CPE: variants seen among roughly 807,000 people sequenced by gnomAD.
The protein encoded by CPE is carbocypeptidase E.
Under a neutral mutation model 53.5 loss-of-function variants are expected in CPE, and 17 were observed. That is an observed-to-expected ratio of 0.32 (90% CI 0.22 to 0.48). The LOEUF (loss-of-function observed/expected upper bound fraction) is 0.48. Ranked by LOEUF, CPE falls within the 20% of genes least tolerant of loss-of-function variation. The probability of loss-of-function intolerance (pLI) is 0.99; values close to 1 mark genes in which losing one functional copy is unlikely to be tolerated. For missense variants in CPE, 524 were observed against 614.7 expected, an observed-to-expected ratio of 0.85 and a Z score of 1.56; for synonymous variants, 226 against 228.8, an observed-to-expected ratio of 0.99 and a Z score of 0.11.
chr4:165,444,389 C>T (rs1194174782), intron 1 of CPE, among the ~76,000 whole-genome samples: 1 of 152,032 alleles, frequency 6.6e-6, no homozygotes, highest in East Asian at 1.9e-4. Flanking sequence ...TGACCAGGCG[C>T]AGTGGCTCAC....
chr4:165,471,836 A>G (rs769636239), intron 3 of CPE, among the ~76,000 whole-genome samples: 69 of 152,204 alleles, frequency 4.5e-4, no homozygotes, highest in Non-Finnish European at 6.9e-4. Context: ...CTATAAGTCA[A>G]ATTTGATTCC....
intron 1 of CPE, among the ~76,000 whole-genome samples, chr4:165,400,887 G>T (rs1184305937): frequency 3.5e-5 from 5 of 144,524 alleles, no homozygotes; most frequent in African/African-American, 1.5e-4. Context: ...GTGACCTTAT[G>T]TCTTTGTTTC....
chr4:165,434,508 T>C (rs543776976), intron 1 of CPE, among the ~76,000 whole-genome samples: 1 of 152,156 alleles, frequency 6.6e-6, no homozygotes, highest in South Asian at 2.1e-4. Flanking sequence ...ACAGAAAAGG[T>C]CATTTCATGT....
At chr4:165,495,330 A>G (rs1732688038) in intron 7 of CPE, among the ~76,000 whole-genome samples, 7 of 152,202 alleles carry the variant, frequency 4.6e-5, no homozygotes, top group Admixed American at 3.3e-4. Context: ...TTATTAGACA[A>G]TTTAACATTG....
At chr4:165,403,338 A>G (rs1730898863) in intron 1 of CPE, among the ~76,000 whole-genome samples, 1 of 152,160 alleles carries the variant, frequency 6.6e-6, no homozygotes, top group Admixed American at 6.5e-5. Flanking sequence ...AAAAAATCAT[A>G]TTCTTGAGGC....
At chr4:165,443,376 TC>T (rs1731647701) in intron 1 of CPE, among the ~76,000 whole-genome samples, 1 of 152,334 alleles carries the variant, frequency 6.6e-6, no homozygotes, top group Non-Finnish European at 1.5e-5. Flanking sequence ...TATTTCATCT[TC>T]CCAGTGATTC....
chr4:165,497,516 A>AT lies in CPE; in HGVS notation c.1341dup (p.Glu448Ter). 6.4e-7 allele frequency: 1 copy of AT among 1,551,996 alleles called. No homozygotes were observed. Among genetic ancestry groups the AT allele is most frequent in the Non-Finnish European group, 8.7e-7 (1 of 1,151,304 alleles). Reference sequence around the variant, plus strand: ...GTTCTTGATTTTCTCTTTTAGGTTGATTTTGAACTGGAGTCATTTTCTGAA... The same window carrying AT: ...GTTCTTGATTTTCTCTTTTAGGTTGATTTTTGAACTGGAGTCATTTTCTGAA... On this transcript the variant is annotated frameshift_variant, in exon 9 of 9. Coordinates refer to ENST00000402744, the MANE Select transcript of CPE (RefSeq NM_001873.4). LOFTEE classifies it high-confidence loss of function.
In CPE at chr4:165,470,261, T is replaced by C. The variant is rs1365848054; in HGVS notation, c.672+2406T>C. Among the ~76,000 whole-genome samples the C allele has an allele frequency of 3.9e-5, 6 of 152,202 alleles. No individual in the cohort carries two copies. The East Asian group carries it at 1.2e-3, about 29-fold the overall frequency. ...TTGACCTTTGACTTGGGGTTTTCTATGTTGGCATGCTTACAAGGGAGCAGG... is the reference window on the plus strand; with the variant it reads ...TTGACCTTTGACTTGGGGTTTTCTACGTTGGCATGCTTACAAGGGAGCAGG... On this transcript the variant is annotated intron_variant, in intron 3 of 8. Coordinates refer to ENST00000402744, the MANE Select transcript of CPE (RefSeq NM_001873.4).
chr4:165,415,903 A>C (rs541734842), intron 1 of CPE, among the ~76,000 whole-genome samples: 1 of 152,312 alleles, frequency 6.6e-6, no homozygotes, highest in Admixed American at 6.5e-5. Flanking sequence ...CGGTCCAAGA[A>C]TGACACAGAT....
chr4:165,411,773 T>C (rs865901420), intron 1 of CPE, among the ~76,000 whole-genome samples: 11 of 152,158 alleles, frequency 7.2e-5, no homozygotes, highest in Non-Finnish European at 7.3e-5. Flanking sequence ...GTGAAAAGTG[T>C]GCTCTTGTTA....
At chr4:165,485,101 T>C (rs1284043348) in intron 5 of CPE, among the ~76,000 whole-genome samples, 1 of 152,186 alleles carries the variant, frequency 6.6e-6, no homozygotes, top group Non-Finnish European at 1.5e-5. Flanking sequence ...ATAATCTCTA[T>C]GAGATCAGGT....
chr4:165,462,516 C>G (rs922687759), intron 1 of CPE, among the ~76,000 whole-genome samples: 1 of 152,104 alleles, frequency 6.6e-6, no homozygotes, highest in African/African-American at 2.4e-5. Context: ...TCTAATATTC[C>G]CCTGGCTACT....
intron 1 of CPE, among the ~76,000 whole-genome samples, chr4:165,429,853 T>G (rs1019863428): frequency 4.0e-5 from 3 of 75,570 alleles, no homozygotes; most frequent in Admixed American, 1.1e-4. Flanking sequence ...GTGCTTGTGC[T>G]TTTTGGGTTT....
chr4:165,419,487 T>C (rs1731171855), intron 1 of CPE, among the ~76,000 whole-genome samples: 1 of 152,224 alleles, frequency 6.6e-6, no homozygotes, highest in Non-Finnish European at 1.5e-5. Flanking sequence ...AGGTACTTTA[T>C]GTAAGTCATT....
chr4:165,436,550 A>G (rs143778521), intron 1 of CPE, among the ~76,000 whole-genome samples: 1,717 of 152,340 alleles, frequency 0.011, 29 homozygotes, highest in African/African-American at 0.039. Flanking sequence ...CTGTGTTCCA[A>G]TAAAACTTTA....
intron 3 of CPE, among the ~76,000 whole-genome samples, chr4:165,471,706 C>A (rs761267818): frequency 1.3e-4 from 20 of 152,172 alleles, no homozygotes; most frequent in Admixed American, 1.0e-3. Flanking sequence ...TCCTAAATAA[C>A]CTGGGGCTCC....
At chr4:165,419,635 C>A in intron 1 of CPE, among the ~76,000 whole-genome samples, 1 of 152,210 alleles carries the variant, frequency 6.6e-6, no homozygotes, top group Admixed American at 6.5e-5. Context: ...AGGATTTGAA[C>A]TCAATTCCGT....
At chr4:165,488,158 C>T (rs950379581) in intron 6 of CPE, among the ~76,000 whole-genome samples, 3 of 152,144 alleles carry the variant, frequency 2.0e-5, no homozygotes, top group African/African-American at 7.2e-5. Context: ...TTAATCCACA[C>T]AACAACCTTA....
At chr4:165,466,178 G>A (rs747470531) in intron 2 of CPE, among the ~76,000 whole-genome samples, 32 of 152,086 alleles carry the variant, frequency 2.1e-4, no homozygotes, top group Non-Finnish European at 4.1e-4. Flanking sequence ...ATGTGATATA[G>A]CCCATGGTTC....
Sources: gnomAD v4.1 joint callset for allele counts (sites outside exome capture counted in the v4.1 genomes callset) on GRCh38, gnomAD v4.1.1 for gene constraint, MANE v1.5 for transcripts, NCBI Gene and HGNC (gene_info 2026-07-23, HGNC 2026-07-21) for gene names.